Variants in CDKL3 observed in about 807,000 individuals in gnomAD.
CDKL3 encodes cyclin-dependent kinase-like 3.
Under a neutral mutation model 69.3 loss-of-function variants are expected in CDKL3, and 65 were observed. That is an observed-to-expected ratio of 0.94 (90% CI 0.77 to 1.15). CDKL3 has a LOEUF of 1.15. CDKL3 is among the 50% of genes most tolerant of loss of function. The pLI is 0.00. For synonymous variants in CDKL3, 202 were observed against 221.6 expected (o/e 0.91, Z 0.79); for missense variants, 652 against 689.2 (o/e 0.95, Z 0.61).
chr5:134,337,057 CG>C (rs1308466551), intron 4 of CDKL3, among the ~76,000 whole-genome samples: 1 of 152,178 alleles, frequency 6.6e-6, no homozygotes, highest in Non-Finnish European at 1.5e-5. Flanking sequence ...TCAGAAATGG[CG>C]GATGCCCCTC....
chr5:134,308,008 T>C, intron 9 of CDKL3, 130 bp downstream of exon 9: 1 of 1,393,010 alleles, frequency 7.2e-7, no homozygotes, highest in Non-Finnish European at 9.4e-7. Context: ...AAATGGCCCA[T>C]TATACAGCTT....
At chr5:134,349,490 T>C (rs568806275) in intron 4 of CDKL3, among the ~76,000 whole-genome samples, 116 of 152,252 alleles carry the variant, frequency 7.6e-4, no homozygotes, top group South Asian at 1.7e-3. Context: ...TTTAAAATTA[T>C]TTGCCAGTCT....
chr5:134,321,761 T>A (rs962670364), intron 5 of CDKL3, 30 bp downstream of exon 5: 1 of 1,131,348 alleles, frequency 8.8e-7, no homozygotes, highest in Non-Finnish European at 1.3e-6. Flanking sequence ...ATTTTAGACA[T>A]GTAACTCATG....
chr5:134,353,711 C>T (rs1753859683), intron 3 of CDKL3, among the ~76,000 whole-genome samples: 1 of 152,084 alleles, frequency 6.6e-6, no homozygotes, highest in South Asian at 2.1e-4. Context: ...GGGCATGCGC[C>T]ACCATGCCCA....
chr5:134,337,279 G>T (rs551606309), intron 4 of CDKL3, among the ~76,000 whole-genome samples: 1 of 152,112 alleles, frequency 6.6e-6, no homozygotes, highest in African/African-American at 2.4e-5. Flanking sequence ...ACTAGGAAAG[G>T]GAAATCAATC....
downstream of CDKL3, among the ~76,000 whole-genome samples, chr5:134,296,821 GCACA>G (rs1383288106): frequency 7.1e-6 from 1 of 140,018 alleles, no homozygotes; most frequent in Non-Finnish European, 1.5e-5. Context: ...ACACACGCAC[GCACA>G]CACACGGATC....
chr5:134,364,807 C>T (rs1208266125), intron 2 of CDKL3, among the ~76,000 whole-genome samples: 5 of 143,694 alleles, frequency 3.5e-5, no homozygotes, highest in Non-Finnish European at 7.5e-5. Context: ...GCCACAGCGC[C>T]CTTTTTTTTT....
chr5:134,314,908 T>C (rs550901543), intron 6 of CDKL3, among the ~76,000 whole-genome samples: 22 of 152,186 alleles, frequency 1.4e-4, no homozygotes, highest in African/African-American at 3.9e-4. Flanking sequence ...GGTATCCTGA[T>C]TGTGGTGGTG....
chr5:134,361,590 C>T (rs1343432719), intron 2 of CDKL3, among the ~76,000 whole-genome samples: 1 of 152,104 alleles, frequency 6.6e-6, no homozygotes, highest in Non-Finnish European at 1.5e-5. Context: ...GCAGCAATAG[C>T]ATATTGACAG....
chr5:134,332,878 C>T (rs1163431315), intron 4 of CDKL3, among the ~76,000 whole-genome samples: 1 of 152,192 alleles, frequency 6.6e-6, no homozygotes, highest in Non-Finnish European at 1.5e-5. Context: ...TATAAACTAC[C>T]TTGGCCAGTA....
chr5:134,337,059 G>A (rs1777304411), intron 4 of CDKL3, among the ~76,000 whole-genome samples: 1 of 152,182 alleles, frequency 6.6e-6, no homozygotes, highest in Admixed American at 6.6e-5. Flanking sequence ...AGAAATGGCG[G>A]ATGCCCCTCC....
chr5:134,308,800 A>G (rs1768595797), intron 7 of CDKL3, 73 bp from the exon 8 acceptor site: 4 of 1,229,900 alleles, frequency 3.3e-6, no homozygotes, highest in Admixed American at 3.1e-5. Context: ...TGAATAAACC[A>G]TTTCATCAAT....
At chr5:134,300,090 G>C (rs772284297) in intron 12 of CDKL3, among the ~76,000 whole-genome samples, 1 of 152,172 alleles carries the variant, frequency 6.6e-6, no homozygotes, top group Non-Finnish European at 1.5e-5. Flanking sequence ...TGTAATCCCA[G>C]CACTTTGGGA....
At chr5:134,366,697 C>CT (rs942815163) in intron 1 of CDKL3, among the ~76,000 whole-genome samples, 153 bp from the exon 2 acceptor site, 2 of 151,336 alleles carry the variant, frequency 1.3e-5, no homozygotes, top group African/African-American at 4.9e-5. Flanking sequence ...GCCTTTTTGT[C>CT]TTTGGGAACT....
rs1768494213 is a variant in CDKL3 at position 134,308,456 on chromosome 5, T to C, written c.1046A>G (p.Lys349Arg). 6.3e-7 allele frequency: 1 copy of C among 1,599,906 alleles called. No individual in the cohort carries two copies. The highest frequency in any genetic ancestry group is 1.1e-5 in the South Asian group (1 of 88,240). Residue 349 changes from lysine to arginine, a missense_variant, in exon 9 of 13, where the codon AAA (lysine) becomes AGA (arginine). Physicochemically the swap from Lys to Arg is conservative, Grantham distance 26. Coordinates refer to ENST00000265334, the MANE Select transcript of CDKL3 (RefSeq NM_001113575.2). ...SSSVLGKEIE[K>R]EKKPKEIKVR... ...TTTGATCTCCTTGGGCTTTTTCTCT[T>C]TTTCTATTTCCTGGAATAGATACAT...
At chr5:134,368,593 T>TG (rs1389990383), upstream of CDKL3, among the ~76,000 whole-genome samples, 1 of 119,618 alleles carries the variant, frequency 8.4e-6, no homozygotes. Context: ...CATTCCAGCC[T>TG]GGGTGGCAGA....
chr5:134,360,992 G>A (rs1322329859), intron 2 of CDKL3, among the ~76,000 whole-genome samples: 8 of 152,084 alleles, frequency 5.3e-5, no homozygotes, highest in African/African-American at 1.9e-4. Flanking sequence ...TTATTTGTGG[G>A]TGAACGTTTG....
rs1757626826 is a variant in CDKL3, at chr5:134,367,123, G to C, written c.-168C>G. On this transcript the variant is annotated 5_prime_UTR_variant, in exon 1 of 13. Transcript: ENST00000265334. The stretch of plus-strand genomic sequence containing the variant: ...CTACTTTGTTGCTCAGCCCCGCAAG[G>C]AACCGGCCACTTGCCACCATGGAAA... The C allele has an allele frequency of 3.0e-6, 3 of 985,816 alleles. No individual in the cohort carries two copies. Among genetic ancestry groups the C allele is most frequent in the Non-Finnish European group, 3.6e-6 (3 of 830,242 alleles). The allele number at this position is 985,816 out of a possible 1,614,324, so 61.1% of individuals were successfully genotyped here.
chr5:134,296,809 A>ACG (rs1302742242), downstream of CDKL3, among the ~76,000 whole-genome samples: 10 of 151,524 alleles, frequency 6.6e-5, no homozygotes, highest in African/African-American at 2.2e-4. Context: ...ACACACACAC[A>ACG]CACACACGCA....
Sources: allele counts gnomAD v4.1 joint callset (sites outside exome capture counted in the v4.1 genomes callset), GRCh38; gene constraint gnomAD v4.1.1; transcripts MANE v1.5; gene names NCBI Gene and HGNC (gene_info 2026-07-23, HGNC 2026-07-21).